Variants in CORO2A observed in about 807,000 individuals in gnomAD.
The protein encoded by CORO2A is coronin-2A.
CORO2A carries 47 observed loss-of-function variants against 62.4 expected under a neutral mutation model. The ratio of observed to expected loss-of-function variants is 0.75; its 90% CI spans 0.60 to 0.96. The LOEUF is 0.96. CORO2A is among the 40% of genes least tolerant of loss of function. The pLI is 0.00. For missense variants in CORO2A, 610 were observed against 684.1 expected, an observed-to-expected ratio of 0.89 and a Z score of 1.21; for synonymous variants, 273 against 268.9, an observed-to-expected ratio of 1.02 and a Z score of -0.15.
chr9:98,154,121 T>C (rs533572193), intron 2 of CORO2A, among the ~76,000 whole-genome samples: 3 of 151,744 alleles, frequency 2.0e-5, no homozygotes, highest in South Asian at 2.1e-4. Context: ...ATGAGTGAGA[T>C]TGATCAATAT....
chr9:98,145,004 C>T (rs907048791), intron 2 of CORO2A, among the ~76,000 whole-genome samples: 2 of 152,114 alleles, frequency 1.3e-5, no homozygotes, highest in Admixed American at 1.3e-4. Context: ...ATGAGAGGAG[C>T]ATTTCTTGAC....
intron 2 of CORO2A, among the ~76,000 whole-genome samples, chr9:98,144,181 C>A (rs1587998347): frequency 6.8e-6 from 1 of 146,444 alleles, no homozygotes; most frequent in Non-Finnish European, 1.5e-5. Flanking sequence ...AGAGTGAGAT[C>A]CTGTTTCGAA....
At chr9:98,166,168 C>A (rs949066190) in intron 1 of CORO2A, among the ~76,000 whole-genome samples, 1 of 152,096 alleles carries the variant, frequency 6.6e-6, no homozygotes, top group Non-Finnish European at 1.5e-5. Context: ...AGGAAAAAAA[C>A]ACAGGACATC....
At chr9:98,175,714 C>A (rs1361774852) in intron 1 of CORO2A, among the ~76,000 whole-genome samples, 3 of 152,208 alleles carry the variant, frequency 2.0e-5, no homozygotes, top group Non-Finnish European at 4.4e-5. Flanking sequence ...TGGTAGGGAA[C>A]CTGCCTGCCG....
At chr9:98,157,389 C>G (rs1347580226) in intron 2 of CORO2A, 71 bp downstream of exon 2, 1 of 1,461,536 alleles carries the variant, frequency 6.8e-7, no homozygotes. Context: ...TCTAGAAACC[C>G]AGGCTCTTTC....
At chr9:98,158,488 G>A (rs928382609) in intron 1 of CORO2A, among the ~76,000 whole-genome samples, 5 of 152,224 alleles carry the variant, frequency 3.3e-5, no homozygotes, top group Middle Eastern at 3.4e-3. Context: ...AATATTTACC[G>A]AGCATCACTG....
At chr9:98,157,814 A>G (rs1378047123) in intron 1 of CORO2A, among the ~76,000 whole-genome samples, 154 bp from the exon 2 acceptor site, 1 of 152,218 alleles carries the variant, frequency 6.6e-6, no homozygotes, top group East Asian at 1.9e-4. Flanking sequence ...AAACAAGTGA[A>G]AAGACTCTAA....
chr9:98,138,312 G>A (rs1263686091), intron 2 of CORO2A, among the ~76,000 whole-genome samples: 2 of 151,948 alleles, frequency 1.3e-5, no homozygotes, highest in Non-Finnish European at 2.9e-5. Context: ...CTACTCAGGA[G>A]GCTGAGGTAG....
At chr9:98,172,571 G>A (rs1194806047) in intron 1 of CORO2A, 1 of 151,968 alleles carries the variant, frequency 6.6e-6, no homozygotes. Context: ...CCCCACTTCT[G>A]AGCTCGACCC....
intron 11 of CORO2A, among the ~76,000 whole-genome samples, chr9:98,125,711 T>C (rs1005644282): frequency 1.5e-5 from 2 of 129,858 alleles, no homozygotes; most frequent in African/African-American, 6.2e-5. Context: ...TTCCCACCAT[T>C]TTTTTTTTTT....
intron 2 of CORO2A, among the ~76,000 whole-genome samples, chr9:98,151,712 G>A (rs1272816696): frequency 6.6e-6 from 1 of 152,064 alleles, no homozygotes; most frequent in Non-Finnish European, 1.5e-5. Context: ...ACCCAGGCTG[G>A]AGTGCAATGG....
chr9:98,152,179 T>C (rs1827735472), intron 2 of CORO2A, among the ~76,000 whole-genome samples: 1 of 151,938 alleles, frequency 6.6e-6, no homozygotes, highest in South Asian at 2.1e-4. Flanking sequence ...CAATGTTTAG[T>C]AGTTAGAGGA....
chr9:98,129,927 A>G, intron 7 of CORO2A, 37 bp from the exon 8 acceptor site: 1 of 1,545,102 alleles, frequency 6.5e-7, no homozygotes, highest in Non-Finnish European at 8.9e-7. Flanking sequence ...GGTGAGATTC[A>G]GAGCTGGAGC....
rs561518438 is a variant in CORO2A, at chr9:98,134,359, C to T, written c.468+447G>A. ...GATTTTCTGGGCAGTGCCATCCCAT[C>T]CACTCCGGGCAGGCTATAATGAGTT... On this transcript the variant is annotated intron_variant, in intron 4 of 11. Transcript: ENST00000375077. 3.9e-5 allele frequency among the ~76,000 whole-genome samples: 6 copies of T among 152,270 alleles called. No individual in the cohort carries two copies. The East Asian group carries it at 1.2e-3, about 29-fold the overall frequency.
Position 98,123,551 on chromosome 9 carries a change from A to T in CORO2A, c.*1223T>A, listed in dbSNP as rs1190093870. ...CGCTCTGTCACCCAGGCTGCAGTGC[A>T]GTCCGCAATCGTGGCTCATAGCAAC... On this transcript the variant is annotated 3_prime_UTR_variant, in exon 12 of 12. Coordinates refer to ENST00000375077, the MANE Select transcript of CORO2A (RefSeq NM_052820.4). 1 of 149,374 alleles carries T rather than the reference A, an allele frequency of 6.7e-6. No homozygotes were observed. The highest frequency in any genetic ancestry group is 1.5e-5 in the Non-Finnish European group (1 of 67,828). 9.3% of individuals were successfully genotyped at this position (149,374 alleles called of 1,614,324 possible).
At position 98,144,099 on chromosome 9, in the gene CORO2A, G is replaced by C. The variant is rs1409493244; in HGVS notation, c.202-6411C>G. Among the ~76,000 whole-genome samples the C allele has an allele frequency of 3.3e-5, 5 of 151,786 alleles. No homozygotes were observed. In the East Asian group the frequency reaches 9.7e-4, roughly 29 times the overall value. On this transcript the variant is annotated intron_variant, in intron 2 of 11. Coordinates refer to ENST00000375077, the MANE Select transcript of CORO2A (RefSeq NM_052820.4). Reference sequence around the variant, plus strand: ...AGCTACTCGGGAGGCTGAGGCAGGAGGATCACTTGAGCCTGGGAGGTCCAG... The same window carrying C: ...AGCTACTCGGGAGGCTGAGGCAGGACGATCACTTGAGCCTGGGAGGTCCAG...
intron 4 of CORO2A, among the ~76,000 whole-genome samples, 154 bp downstream of exon 4, chr9:98,134,652 G>A (rs552507323): frequency 1.3e-5 from 2 of 152,202 alleles, no homozygotes; most frequent in African/African-American, 4.8e-5. Context: ...GGCATGGAAG[G>A]ATTCTTCCCT....
Position 98,134,791 on chromosome 9 carries a change from A to G in CORO2A, c.468+15T>C, listed in dbSNP as rs1269510171. 6.3e-7 allele frequency: 1 copy of G among 1,593,526 alleles called. No homozygotes were observed. Among genetic ancestry groups the G allele is most frequent in the East Asian group, 2.3e-5 (1 of 44,112 alleles). ...CTTGTTGGGGCTGCCCCAGAGAAAG[A>G]ATACCCAGACTCACCTTGTAGTCAT... On this transcript the variant is annotated intron_variant, in intron 4 of 11. Coordinates refer to ENST00000375077, the MANE Select transcript of CORO2A (RefSeq NM_052820.4).
chr9:98,125,877 C>G (rs926037314), intron 11 of CORO2A, among the ~76,000 whole-genome samples: 11 of 151,408 alleles, frequency 7.3e-5, no homozygotes, highest in African/African-American at 2.7e-4. Context: ...ACCACCATAC[C>G]CAGCTAATTT....
Sources: gnomAD v4.1 joint callset for allele counts (sites outside exome capture counted in the v4.1 genomes callset) on GRCh38, gnomAD v4.1.1 for gene constraint, MANE v1.5 for transcripts, NCBI Gene and HGNC (gene_info 2026-07-23, HGNC 2026-07-21) for gene names.